RAB11FIP4: variants seen among roughly 807,000 people sequenced by gnomAD.
The protein encoded by RAB11FIP4 is RAB11 family interacting protein 4.
A neutral mutation model predicts 74.3 loss-of-function variants in RAB11FIP4; 23 were observed. The observed-to-expected ratio is 0.31, with a 90% CI of 0.22 to 0.44. RAB11FIP4 has a LOEUF of 0.44. Ranked by LOEUF, RAB11FIP4 falls within the 20% of genes least tolerant of loss-of-function variation. The probability of loss-of-function intolerance (pLI) is 1.00; values close to 1 mark genes in which losing one functional copy is unlikely to be tolerated. For synonymous variants in RAB11FIP4, 360 were observed against 359.9 expected (o/e 1.00, Z 0.00); for missense variants, 630 against 863.9 (o/e 0.73, Z 3.39).
At chr17:31,427,508 G>C (rs1388673237) in intron 1 of RAB11FIP4, among the ~76,000 whole-genome samples, 1 of 152,230 alleles carries the variant, frequency 6.6e-6, no homozygotes, top group Non-Finnish European at 1.5e-5. Flanking sequence ...CGCCCCACCA[G>C]TGTCTCCCAG....
At chr17:31,494,137 G>A (rs1042200619) in intron 3 of RAB11FIP4, among the ~76,000 whole-genome samples, 1 of 152,116 alleles carries the variant, frequency 6.6e-6, no homozygotes, top group Non-Finnish European at 1.5e-5. Flanking sequence ...ACTCGTGGAC[G>A]GTTAGATGGT....
At chr17:31,422,989 G>A (rs1324659191) in intron 1 of RAB11FIP4, among the ~76,000 whole-genome samples, 6 of 146,682 alleles carry the variant, frequency 4.1e-5, no homozygotes, top group African/African-American at 1.3e-4. Context: ...GCACGATCTC[G>A]GCTCACTGCA....
intron 1 of RAB11FIP4, 171 bp from the exon 2 acceptor site, chr17:31,431,642 C>T (rs72815659): frequency 0.068 from 39,011 of 577,242 alleles, 3,019 homozygotes; most frequent in East Asian, 0.27. Flanking sequence ...TTGTCTGTCA[C>T]CATGGGGAGA....
intron 8 of RAB11FIP4, 137 bp downstream of exon 8, chr17:31,523,748 G>C: frequency 9.7e-7 from 1 of 1,033,710 alleles, no homozygotes; most frequent in Non-Finnish European, 1.5e-6. Flanking sequence ...CCCTGGTCAC[G>C]TGTTCCCCAC....
intron 3 of RAB11FIP4, among the ~76,000 whole-genome samples, chr17:31,505,644 TA>T (rs57353376): frequency 0.022 from 2,103 of 93,858 alleles, 147 homozygotes; most frequent in African/African-American, 0.12. Context: ...ATAATAATTA[TA>T]TATAATATAT....
At chr17:31,531,006 T>A (rs1389459907) in intron 14 of RAB11FIP4, 4 of 158,364 alleles carry the variant, frequency 2.5e-5, no homozygotes, top group Non-Finnish European at 5.6e-5. Flanking sequence ...AGAGTATGCT[T>A]ATGAAAGATC....
At chr17:31,453,256 T>G (rs866109956) in intron 3 of RAB11FIP4, among the ~76,000 whole-genome samples, 42 of 146,096 alleles carry the variant, frequency 2.9e-4, no homozygotes, top group African/African-American at 9.7e-4. Context: ...GAGGCTGAGG[T>G]GGGAGGATCA....
chr17:31,430,352 ATTT>A (rs56078412), intron 1 of RAB11FIP4, among the ~76,000 whole-genome samples: 78 of 111,742 alleles, frequency 7.0e-4, no homozygotes, highest in East Asian at 5.7e-3. Context: ...TGGAGTTTGG[ATTT>A]TTTTTTTTTT....
At chr17:31,425,888 TCC>T (rs2071244482) in intron 1 of RAB11FIP4, among the ~76,000 whole-genome samples, 1 of 152,086 alleles carries the variant, frequency 6.6e-6, no homozygotes, top group Non-Finnish European at 1.5e-5. Context: ...GGGCCCAGGC[TCC>T]CCACGAAGAC....
chr17:31,491,815 C>T (rs1014896284), intron 3 of RAB11FIP4, among the ~76,000 whole-genome samples: 1 of 152,152 alleles, frequency 6.6e-6, no homozygotes, highest in Non-Finnish European at 1.5e-5. Flanking sequence ...GCCTCCGCGT[C>T]GAGGGGATTT....
At chr17:31,517,903 A>G (rs1340205555) in intron 4 of RAB11FIP4, 26 bp downstream of exon 4, 8 of 1,523,330 alleles carry the variant, frequency 5.3e-6, no homozygotes, top group Admixed American at 4.0e-5. Flanking sequence ...CTGAAGCTCC[A>G]TATTTGCCCT....
At chr17:31,516,126 G>A (rs190756831) in intron 3 of RAB11FIP4, among the ~76,000 whole-genome samples, 1 of 152,160 alleles carries the variant, frequency 6.6e-6, no homozygotes. Context: ...CAGTGATCCT[G>A]TAAGATTCCA....
intron 3 of RAB11FIP4, among the ~76,000 whole-genome samples, chr17:31,440,051 C>T (rs1307868490): frequency 6.6e-6 from 1 of 152,102 alleles, no homozygotes. Flanking sequence ...ATTTATCAAC[C>T]TTTTTATGCC....
chr17:31,416,001 G>C, intron 1 of RAB11FIP4, among the ~76,000 whole-genome samples: 1 of 152,112 alleles, frequency 6.6e-6, no homozygotes, highest in East Asian at 1.9e-4. Flanking sequence ...CTGGTCGGAA[G>C]TGCATTATAG....
chr17:31,438,549 C>T (rs890754887), intron 3 of RAB11FIP4, among the ~76,000 whole-genome samples: 11 of 152,156 alleles, frequency 7.2e-5, no homozygotes, highest in African/African-American at 1.7e-4. Context: ...ACTGACCGGG[C>T]GTCCTCCTGT....
intron 3 of RAB11FIP4, among the ~76,000 whole-genome samples, chr17:31,510,039 C>T (rs1057275417): frequency 1.9e-4 from 29 of 152,160 alleles, no homozygotes; most frequent in Admixed American, 2.6e-4. Context: ...AGCAGGAGTC[C>T]GTTACAGCCA....
At chr17:31,520,517 GTTTT>G (rs796641313) in intron 4 of RAB11FIP4, among the ~76,000 whole-genome samples, 2 of 151,636 alleles carry the variant, frequency 1.3e-5, no homozygotes, top group African/African-American at 4.8e-5. Context: ...TTTTGTTTTT[GTTTT>G]TTTTGAGACG....
At chr17:31,501,308 T>C (rs1375422801) in intron 3 of RAB11FIP4, among the ~76,000 whole-genome samples, 1 of 149,700 alleles carries the variant, frequency 6.7e-6, no homozygotes, top group Non-Finnish European at 1.5e-5. Flanking sequence ...CCATTGTATA[T>C]TGGAAGTATC....
intron 3 of RAB11FIP4, among the ~76,000 whole-genome samples, chr17:31,438,467 C>T (rs541794743): frequency 4.6e-5 from 7 of 152,048 alleles, no homozygotes; most frequent in Non-Finnish European, 1.0e-4. Context: ...AGCGCCTCCT[C>T]ATGCAGCTGC....
Sources: allele counts gnomAD v4.1 joint callset (sites outside exome capture counted in the v4.1 genomes callset), GRCh38; gene constraint gnomAD v4.1.1; transcripts MANE v1.5; gene names NCBI Gene and HGNC (gene_info 2026-07-23, HGNC 2026-07-21).